DLG2: variants seen among roughly 807,000 people sequenced by gnomAD.
The protein encoded by DLG2 is disks large homolog 2.
In DLG2, 45 loss-of-function variants were observed where a neutral mutation model predicts 132.5. That is an observed-to-expected ratio of 0.34 (90% CI 0.27 to 0.44). The LOEUF (loss-of-function observed/expected upper bound fraction) is 0.44. Among genes scored for constraint, DLG2 ranks in the 20% least tolerant of loss-of-function variants. DLG2 has a pLI of 1.00. For missense variants in DLG2, 1,045 were observed against 1,196.9 expected (o/e 0.87, Z 1.87); for synonymous variants, 424 against 419.6 (o/e 1.01, Z -0.13).
Position 83,779,034 on chromosome 11 carries a change from T to G in DLG2, c.1825+7656A>C, listed in dbSNP as rs77257518. On this transcript the variant is annotated intron_variant, in intron 18 of 27. Transcript: ENST00000376104. ...GAAAGAAATGTCTAAGCAATAAAAA[T>G]CTAGAGTCATGTAAAGTTTTATTTA... Among the ~76,000 whole-genome samples, 912 of 152,178 alleles carry G rather than the reference T, an allele frequency of 6.0e-3. 7 individuals are homozygous for G. The highest frequency in any genetic ancestry group is 0.011 in the Non-Finnish European group (723 of 67,954).
chr11:83,477,692 G>GGTAAA (rs1471900289), intron 22 of DLG2, among the ~76,000 whole-genome samples: 1 of 151,844 alleles, frequency 6.6e-6, no homozygotes, highest in South Asian at 2.1e-4. Context: ...GATATGGAAT[G>GGTAAA]GTAAAGTATA....
intron 5 of DLG2, among the ~76,000 whole-genome samples, chr11:85,146,599 T>C (rs970361085): frequency 1.3e-5 from 2 of 152,094 alleles, no homozygotes; most frequent in African/African-American, 4.8e-5. Context: ...GCTGAGCTGG[T>C]ACCCAGGTTG....
intron 22 of DLG2, among the ~76,000 whole-genome samples, chr11:83,477,985 C>A (rs1026603493): frequency 6.6e-6 from 1 of 152,062 alleles, no homozygotes; most frequent in Admixed American, 6.6e-5. Flanking sequence ...CTCTCTGAAA[C>A]TACCTCTTAT....
intron 18 of DLG2, among the ~76,000 whole-genome samples, chr11:83,719,239 A>T (rs941804416): frequency 6.6e-6 from 1 of 152,212 alleles, no homozygotes; most frequent in African/African-American, 2.4e-5. Flanking sequence ...TGAGAAGCCC[A>T]TGAAGCAAGC....
At chr11:85,497,868 C>G (rs1212622179) in intron 3 of DLG2, among the ~76,000 whole-genome samples, 1 of 152,186 alleles carries the variant, frequency 6.6e-6, no homozygotes, top group African/African-American at 2.4e-5. Context: ...CTTTTACAGA[C>G]AAGCAAATGC....
In DLG2 at chr11:85,382,354, T is replaced by C. The variant is rs534748472; in HGVS notation, c.41-96989A>G. Among the ~76,000 whole-genome samples, 8 of 152,220 alleles carry C rather than the reference T, an allele frequency of 5.3e-5. No homozygotes were observed. The South Asian group carries it at 1.2e-3, about 24-fold the overall frequency. On this transcript the variant is annotated intron_variant, in intron 3 of 27. Coordinates refer to ENST00000376104, the MANE Select transcript of DLG2 (RefSeq NM_001142699.3). The stretch of plus-strand genomic sequence containing the variant: ...ATTTGAACCTTTATTTCATACCATA[T>C]GCAAAAATTAACACAAAATGGATGA...
intron 19 of DLG2, among the ~76,000 whole-genome samples, chr11:83,554,079 T>C (rs2096462035): frequency 6.6e-6 from 1 of 152,054 alleles, no homozygotes; most frequent in African/African-American, 2.4e-5. Flanking sequence ...GGCTAGGTCT[T>C]GCTTTGTTGG....
chr11:84,014,286 T>G (rs906775787), intron 11 of DLG2, among the ~76,000 whole-genome samples: 5 of 152,172 alleles, frequency 3.3e-5, no homozygotes, highest in African/African-American at 7.2e-5. Context: ...AAACATGCTA[T>G]TAATGTGGGC....
intron 6 of DLG2, among the ~76,000 whole-genome samples, chr11:85,054,348 A>G (rs963179869): frequency 1.3e-5 from 2 of 152,178 alleles, no homozygotes; most frequent in African/African-American, 2.4e-5. Flanking sequence ...CAGAATGGCT[A>G]TTATTAAAAA....
chr11:84,340,498 A>G (rs1462097196), intron 7 of DLG2, among the ~76,000 whole-genome samples: 1 of 152,214 alleles, frequency 6.6e-6, no homozygotes, highest in Non-Finnish European at 1.5e-5. Flanking sequence ...CCTAGAGTCT[A>G]TGAATCAGGC....
chr11:84,093,141 A>G (rs1003659419), intron 10 of DLG2, among the ~76,000 whole-genome samples: 2 of 152,158 alleles, frequency 1.3e-5, no homozygotes, highest in African/African-American at 4.8e-5. Flanking sequence ...GGTGTATGTC[A>G]TAAGTCTAGC....
chr11:83,908,307 C>CT (rs925494811), intron 15 of DLG2, among the ~76,000 whole-genome samples: 8 of 149,686 alleles, frequency 5.3e-5, no homozygotes, highest in Admixed American at 1.3e-4. Context: ...ATTTCACCTT[C>CT]TTTTTTTTTT....
chr11:84,331,702 G>T (rs1392077156), intron 7 of DLG2, among the ~76,000 whole-genome samples: 1 of 151,914 alleles, frequency 6.6e-6, no homozygotes, highest in Non-Finnish European at 1.5e-5. Flanking sequence ...CATCGGGGTG[G>T]AGTTTTTCAC....
At chr11:83,748,820 C>A (rs751016120) in intron 18 of DLG2, among the ~76,000 whole-genome samples, 2 of 152,160 alleles carry the variant, frequency 1.3e-5, no homozygotes, top group Non-Finnish European at 2.9e-5. Context: ...AAAATGAAAT[C>A]TCTACTACTT....
rs1053217998 is a variant in DLG2, at chr11:85,493,016, A to G, written c.40+105641T>C. Among the ~76,000 whole-genome samples the G allele has an allele frequency of 2.6e-5, 4 of 152,262 alleles. No homozygotes were observed. In the East Asian group the frequency reaches 7.7e-4, roughly 29 times the overall value. On this transcript the variant is annotated intron_variant, in intron 3 of 27. Transcript: ENST00000376104. Reference sequence around the variant, plus strand: ...TCATACTCCAAGCTATAAAAAAAAAAGAGCTTTATTTTAAAAACCATGGTT... The same window carrying G: ...TCATACTCCAAGCTATAAAAAAAAAGGAGCTTTATTTTAAAAACCATGGTT...
intron 18 of DLG2, among the ~76,000 whole-genome samples, chr11:83,748,412 C>G (rs2093068498): frequency 6.6e-6 from 1 of 152,214 alleles, no homozygotes. Flanking sequence ...TAAAGCCAAG[C>G]TTTCCCTTTC....
At chr11:83,775,844 G>T (rs1430854409) in intron 18 of DLG2, among the ~76,000 whole-genome samples, 3 of 151,910 alleles carry the variant, frequency 2.0e-5, no homozygotes, top group African/African-American at 2.4e-5. Flanking sequence ...TGTAATCCCA[G>T]CACCTTGGGA....
At chr11:84,882,116 T>C (rs1204854697) in intron 6 of DLG2, among the ~76,000 whole-genome samples, 1 of 152,120 alleles carries the variant, frequency 6.6e-6, no homozygotes, top group Non-Finnish European at 1.5e-5. Flanking sequence ...ATGAAATTAC[T>C]ACTACTCTAA....
intron 15 of DLG2, among the ~76,000 whole-genome samples, chr11:83,915,018 C>T (rs1235304254): frequency 2.6e-5 from 4 of 151,968 alleles, no homozygotes; most frequent in Admixed American, 2.6e-4. Flanking sequence ...AAGGAGATGC[C>T]TAATGAGACA....
Sources: gnomAD v4.1 joint callset for allele counts (sites outside exome capture counted in the v4.1 genomes callset) on GRCh38, gnomAD v4.1.1 for gene constraint, MANE v1.5 for transcripts, NCBI Gene and HGNC (gene_info 2026-07-23, HGNC 2026-07-21) for gene names.